Variants in RGS12 observed in about 807,000 individuals in gnomAD.
RGS12 encodes the protein regulator of G-protein signaling 12.
Under a neutral mutation model 120.1 loss-of-function variants are expected in RGS12, and 66 were observed. The ratio of observed to expected loss-of-function variants is 0.55; its 90% CI spans 0.45 to 0.67. The LOEUF is 0.67. Ranked by LOEUF, RGS12 falls within the 30% of genes least tolerant of loss-of-function variation. The pLI is 0.00. For synonymous variants in RGS12, 827 were observed against 804.7 expected, an observed-to-expected ratio of 1.03 and a Z score of -0.47; for missense variants, 1,859 against 1,957.7, an observed-to-expected ratio of 0.95 and a Z score of 0.95.
rs78866990 is a variant in RGS12 at position 3,337,174 on chromosome 4, G to A, written c.1882-5763G>A. On this transcript the variant is annotated intron_variant, in intron 2 of 17. Transcript: ENST00000336727. ...GTCAGCACCTTACACTCCTTGGGAT[G>A]GCTACTATAAAACAACTGCCACCAC... is the stretch of plus-strand genomic sequence containing the variant. Among the ~76,000 whole-genome samples, 1,285 of 152,276 alleles carry A rather than the reference G, an allele frequency of 8.4e-3. 21 individuals are homozygous for A. Among genetic ancestry groups the A allele is most frequent in the African/African-American group, 0.029 (1,221 of 41,558 alleles).
chr4:3,303,501 T>C (rs1206622097), intron 1 of RGS12, among the ~76,000 whole-genome samples: 1 of 152,224 alleles, frequency 6.6e-6, no homozygotes, highest in African/African-American at 2.4e-5. Flanking sequence ...GCTCTTTTGC[T>C]TCATGGACTC....
chr4:3,368,949 T>G (rs1417707461), intron 3 of RGS12, among the ~76,000 whole-genome samples: 1 of 151,906 alleles, frequency 6.6e-6, no homozygotes, highest in Non-Finnish European at 1.5e-5. Flanking sequence ...GGGAAGTGGG[T>G]GGGGCCATGG....
intron 2 of RGS12, 76 bp from the exon 3 acceptor site, chr4:3,342,861 G>T: frequency 1.1e-6 from 1 of 945,642 alleles, no homozygotes; most frequent in South Asian, 1.4e-5. Flanking sequence ...TTGATTTTCT[G>T]CTATGCCATG....
Position 3,414,174 on chromosome 4 carries a change from G to T in RGS12, c.2123G>T (p.Arg708Met). Residue 708 changes from arginine to methionine, a missense_variant, in exon 5 of 18, where the codon AGG (arginine) becomes ATG (methionine). Around this residue, in one of 3 missense-constraint regions of RGS12, gnomAD observed 967 missense variants for 994.2 expected, o/e 0.97. Coordinates refer to ENST00000336727, the MANE Select transcript of RGS12 (RefSeq NM_001394154.1). ...VQSCRRLRER[R>M]VASWAVSFER... ...AGCTGCCGGCGCCTGCGTGAGAGGA[G>T]GGTCGCCAGCTGGGCCGTGTCCTTT... is the stretch of plus-strand genomic sequence containing the variant. The T allele has an allele frequency of 6.4e-7, 1 of 1,554,498 alleles. No individual in the cohort carries two copies.
chr4:3,378,104 A>C (rs1345323408), intron 3 of RGS12: 1 of 152,182 alleles, frequency 6.6e-6, no homozygotes, highest in Non-Finnish European at 1.5e-5. Flanking sequence ...TTATTAATAC[A>C]AATAGTACTG....
chr4:3,301,677 A>G (rs1723696384), intron 1 of RGS12, among the ~76,000 whole-genome samples: 2 of 148,314 alleles, frequency 1.3e-5, no homozygotes, highest in Admixed American at 1.3e-4. Context: ...ATGGAGAGTG[A>G]GGCCGGGGTC....
chr4:3,423,396 TG>T, intron 12 of RGS12, 118 bp from the exon 13 acceptor site: 11 of 1,351,356 alleles, frequency 8.1e-6, no homozygotes, highest in Non-Finnish European at 1.0e-5. Context: ...GGGGCTGAAC[TG>T]GGGGGCACAC....
At chr4:3,436,234 G>A (rs1157199200) in intron 17 of RGS12, among the ~76,000 whole-genome samples, 1 of 152,142 alleles carries the variant, frequency 6.6e-6, no homozygotes, top group African/African-American at 2.4e-5. Context: ...GGTGCGCTGT[G>A]GTGGGAAGGC....
intron 4 of RGS12, among the ~76,000 whole-genome samples, chr4:3,403,833 A>G (rs567197666): frequency 6.6e-6 from 1 of 152,380 alleles, no homozygotes; most frequent in Non-Finnish European, 1.5e-5. Context: ...TTTGAAAAGC[A>G]TCTTCCAGTT....
At chr4:3,323,906 A>AT (rs1725381392) in intron 2 of RGS12, 1 of 114,708 alleles carries the variant, frequency 8.7e-6, no homozygotes, top group Non-Finnish European at 1.9e-5. Context: ...AGAGAGAGAG[A>AT]GAATGCCCCC....
intron 3 of RGS12, among the ~76,000 whole-genome samples, chr4:3,355,620 A>G (rs2108816592): frequency 6.6e-6 from 1 of 151,924 alleles, no homozygotes; most frequent in South Asian, 2.1e-4. Flanking sequence ...CATGGCTAAA[A>G]CCTGTCTCTA....
In RGS12 at chr4:3,310,279, T is replaced by TTGAGGAGGAG. The variant is rs1724304887; in HGVS notation, c.-101-5791_-101-5790insTGAGGAGGAG. 6.3e-5 allele frequency among the ~76,000 whole-genome samples: 5 copies of TTGAGGAGGAG among 79,230 alleles called. 1 individual carries two copies. The highest frequency in any genetic ancestry group is 2.2e-4 in the African/African-American group (4 of 18,124). 52.0% of individuals were successfully genotyped at this position (79,230 alleles called of 152,430 possible). ...CAGGTGTCCTCTGAGGGGAACCGTGTCGGGGAGGAGCTGGGACCCGGGAAA... is the reference window on the plus strand; with the variant it reads ...CAGGTGTCCTCTGAGGGGAACCGTGTTGAGGAGGAGCGGGGAGGAGCTGGGACCCGGGAAA... On this transcript the variant is annotated intron_variant, in intron 1 of 17. Transcript: ENST00000336727.
Position 3,407,171 on chromosome 4 carries a change from A to G in RGS12, c.2021-6901A>G, listed in dbSNP as rs528800793. On this transcript the variant is annotated intron_variant, in intron 4 of 17. Coordinates refer to ENST00000336727, the MANE Select transcript of RGS12 (RefSeq NM_001394154.1). ...GTTGGGAGGCCGGGGTTCCATCTGC[A>G]GTGTTTATGCCACGTGCAGTCACCT... Among the ~76,000 whole-genome samples, 3 of 152,288 alleles carry G rather than the reference A, an allele frequency of 2.0e-5. No homozygotes were observed. The South Asian group carries it at 6.2e-4, about 32-fold the overall frequency.
At chr4:3,351,196 C>A (rs1560106022) in intron 3 of RGS12, among the ~76,000 whole-genome samples, 2 of 151,588 alleles carry the variant, frequency 1.3e-5, no homozygotes, top group African/African-American at 4.8e-5. Flanking sequence ...CTAGGCCTGG[C>A]TAAATTGTAT....
At chr4:3,364,175 T>C (rs1716040943) in intron 3 of RGS12, among the ~76,000 whole-genome samples, 1 of 152,214 alleles carries the variant, frequency 6.6e-6, no homozygotes, top group East Asian at 1.9e-4. Flanking sequence ...GTATAAGCCC[T>C]GGGGATGGCC....
intron 3 of RGS12, among the ~76,000 whole-genome samples, chr4:3,349,114 G>A (rs1179107197): frequency 2.0e-5 from 3 of 152,276 alleles, no homozygotes; most frequent in African/African-American, 4.8e-5. Context: ...TAACATAAGC[G>A]ACCACGTTTT....
At chr4:3,431,448 A>C in intron 17 of RGS12, 1 of 992,086 alleles carries the variant, frequency 1.0e-6, no homozygotes, top group Non-Finnish European at 1.2e-6. Flanking sequence ...TTGAGAGTGC[A>C]GCTCGGACCC....
chr4:3,296,828 A>G (rs1485653121), intron 1 of RGS12, among the ~76,000 whole-genome samples: 1 of 152,200 alleles, frequency 6.6e-6, no homozygotes, highest in Non-Finnish European at 1.5e-5. Flanking sequence ...AAGGAAGACA[A>G]GCCTTGCTCA....
chr4:3,343,328 A>T (rs1713447149), intron 3 of RGS12: 1 of 360,408 alleles, frequency 2.8e-6, no homozygotes, highest in Non-Finnish European at 5.1e-6. Context: ...TTTAATCCCC[A>T]CAAATACTCT....
Sources: gnomAD v4.1 joint callset for allele counts (sites outside exome capture counted in the v4.1 genomes callset) on GRCh38, gnomAD v4.1.1 for gene constraint, gnomAD v4.1.1 regional missense constraint, MANE v1.5 for transcripts, NCBI Gene and HGNC (gene_info 2026-07-23, HGNC 2026-07-21) for gene names.